Variants in BNC2 observed in about 807,000 individuals in gnomAD.
BNC2 encodes the protein basonuclin zinc finger protein 2.
BNC2 carries 20 observed loss-of-function variants against 76.3 expected under a neutral mutation model. The ratio of observed to expected loss-of-function variants is 0.26; its 90% CI spans 0.18 to 0.38. The LOEUF (loss-of-function observed/expected upper bound fraction) is 0.38, where lower values mean the gene tolerates loss of function less well. Among genes scored for constraint, BNC2 ranks in the 10% least tolerant of loss-of-function variants. The probability of loss-of-function intolerance (pLI) is 1.00; values close to 1 mark genes in which losing one functional copy is unlikely to be tolerated. For synonymous variants in BNC2, 582 were observed against 514.8 expected (o/e 1.13, Z -1.77); for missense variants, 1,382 against 1,399.8 (o/e 0.99, Z 0.20).
Position 16,816,748 on chromosome 9 carries a change from T to C in BNC2, c.3+53898A>G, listed in dbSNP as rs578036697. On this transcript the variant is annotated intron_variant, in intron 1 of 6. Transcript: ENST00000380672. ...TTTTTCTTTTTTCCTTAAGAGGCCC[T>C]ACTCCAAACTGGGAGGCTCAGGCCC... Among the ~76,000 whole-genome samples, 49 of 152,328 alleles carry C rather than the reference T, an allele frequency of 3.2e-4. 2 individuals are homozygous for C. Among genetic ancestry groups the C allele is most frequent in the South Asian group, 3.1e-3 (15 of 4,826 alleles).
intron 3 of BNC2, among the ~76,000 whole-genome samples, chr9:16,693,703 C>T (rs994416468): frequency 6.6e-5 from 10 of 152,166 alleles, no homozygotes; most frequent in Non-Finnish European, 1.3e-4. Context: ...GCATAAAATT[C>T]TTATCTCCCA....
chr9:16,740,112 G>T (rs10756801), intron 1 of BNC2, among the ~76,000 whole-genome samples: 64,617 of 152,120 alleles, frequency 0.42, 18,433 homozygotes, highest in Non-Finnish European at 0.64. Flanking sequence ...CATCGTGATT[G>T]TCCAACGTTC....
At chr9:16,690,953 T>C (rs1330700733) in intron 3 of BNC2, among the ~76,000 whole-genome samples, 1 of 152,150 alleles carries the variant, frequency 6.6e-6, no homozygotes, top group African/African-American at 2.4e-5. Flanking sequence ...GCTGATCCTC[T>C]GGGGTGAGCT....
At chr9:16,685,638 T>C in intron 3 of BNC2, 1 of 1,303,702 alleles carries the variant, frequency 7.7e-7, no homozygotes, top group South Asian at 1.2e-5. Context: ...CCTGAGGGAA[T>C]ACAGCCACGT....
intron 4 of BNC2, among the ~76,000 whole-genome samples, chr9:16,564,154 T>C (rs1330862975): frequency 6.6e-6 from 1 of 152,200 alleles, no homozygotes; most frequent in African/African-American, 2.4e-5. Flanking sequence ...GCTCGTTGTC[T>C]TCCAGATTAA....
chr9:16,747,130 A>G (rs994366567), intron 1 of BNC2, among the ~76,000 whole-genome samples: 2 of 152,188 alleles, frequency 1.3e-5, no homozygotes, highest in Admixed American at 6.5e-5. Flanking sequence ...TTTTACAAGC[A>G]CAACCACTGC....
chr9:16,518,726 G>C (rs879279045), intron 5 of BNC2, among the ~76,000 whole-genome samples: 1 of 151,948 alleles, frequency 6.6e-6, no homozygotes, highest in Non-Finnish European at 1.5e-5. Flanking sequence ...TCAGCCTCCT[G>C]AGTAGCTGGG....
chr9:16,831,932 C>CT (rs1818586647), intron 1 of BNC2, among the ~76,000 whole-genome samples: 1 of 152,140 alleles, frequency 6.6e-6, no homozygotes, highest in South Asian at 2.1e-4. Context: ...CAACCAAGAT[C>CT]TAGGAAACTT....
At chr9:16,448,174 G>A (rs757888065) in intron 5 of BNC2, among the ~76,000 whole-genome samples, 2 of 152,016 alleles carry the variant, frequency 1.3e-5, no homozygotes, top group Non-Finnish European at 2.9e-5. Context: ...TTTGCTTTGA[G>A]GTCTACATTT....
At chr9:16,681,433 T>G (rs149595315) in intron 3 of BNC2, among the ~76,000 whole-genome samples, 23 of 152,178 alleles carry the variant, frequency 1.5e-4, no homozygotes, top group African/African-American at 5.5e-4. Context: ...CAAGGGAGAA[T>G]CAAATATCCC....
At chr9:16,452,930 C>CTT (rs1821373079) in intron 5 of BNC2, among the ~76,000 whole-genome samples, 1 of 152,106 alleles carries the variant, frequency 6.6e-6, no homozygotes, top group South Asian at 2.1e-4. Flanking sequence ...TCAATGTAAT[C>CTT]AGTTGCTCAA....
intron 3 of BNC2, among the ~76,000 whole-genome samples, chr9:16,645,306 C>A (rs1218718858): frequency 6.6e-6 from 1 of 152,204 alleles, no homozygotes; most frequent in Non-Finnish European, 1.5e-5. Flanking sequence ...ATGTGCACAA[C>A]AGTTCTTACT....
chr9:16,833,495 T>C (rs1240074574), intron 1 of BNC2, among the ~76,000 whole-genome samples: 2 of 152,146 alleles, frequency 1.3e-5, no homozygotes, highest in Non-Finnish European at 2.9e-5. Context: ...AGAGCAGTAA[T>C]GGTTGACTAT....
chr9:16,614,958 TAAAAAAAA>T (rs60545823), intron 3 of BNC2, among the ~76,000 whole-genome samples: 1 of 62,524 alleles, frequency 1.6e-5, no homozygotes, highest in African/African-American at 6.6e-5. Flanking sequence ...TCTGTCTCTT[TAAAAAAAA>T]AAAAAAAAAA....
intron 3 of BNC2, among the ~76,000 whole-genome samples, chr9:16,618,234 G>T (rs942935427): frequency 6.6e-6 from 1 of 152,252 alleles, no homozygotes; most frequent in Middle Eastern, 3.4e-3. Flanking sequence ...TATTCTCTGA[G>T]CTGGGTTATC....
chr9:16,597,724 C>T (rs980356587), intron 3 of BNC2, among the ~76,000 whole-genome samples: 1 of 152,082 alleles, frequency 6.6e-6, no homozygotes, highest in African/African-American at 2.4e-5. Flanking sequence ...CCTGCATGAG[C>T]TTTTATGTCA....
intron 5 of BNC2, among the ~76,000 whole-genome samples, chr9:16,542,202 C>G (rs937383814): frequency 1.3e-4 from 20 of 152,070 alleles, no homozygotes; most frequent in African/African-American, 4.6e-4. Flanking sequence ...TTGAAAAATG[C>G]TTTTCTGGGG....
At chr9:16,519,297 G>C (rs926206000) in intron 5 of BNC2, among the ~76,000 whole-genome samples, 3 of 152,300 alleles carry the variant, frequency 2.0e-5, no homozygotes, top group African/African-American at 7.2e-5. Flanking sequence ...GCTGGAAAGA[G>C]GAGTAGCCCT....
chr9:16,608,662 A>G (rs1820452231), intron 3 of BNC2, among the ~76,000 whole-genome samples: 3 of 152,036 alleles, frequency 2.0e-5, no homozygotes, highest in Admixed American at 2.0e-4. Flanking sequence ...CACACTGTAC[A>G]TTTCCAAAAT....
Sources: gnomAD v4.1 joint callset for allele counts (sites outside exome capture counted in the v4.1 genomes callset) on GRCh38, gnomAD v4.1.1 for gene constraint, MANE v1.5 for transcripts, NCBI Gene and HGNC (gene_info 2026-07-23, HGNC 2026-07-21) for gene names.